PRKCA: variants seen among roughly 807,000 people sequenced by gnomAD.
The protein encoded by PRKCA is protein kinase C alpha.
In PRKCA, 27 loss-of-function variants were observed where a neutral mutation model predicts 87.0. The ratio of observed to expected loss-of-function variants is 0.31; its 90% CI spans 0.23 to 0.43. The LOEUF (loss-of-function observed/expected upper bound fraction) is 0.43, where lower values mean the gene tolerates loss of function less well. PRKCA is among the 20% of genes least tolerant of loss of function. PRKCA has a pLI of 1.00. For missense variants in PRKCA, 518 were observed against 852.3 expected (o/e 0.61, Z 4.88); for synonymous variants, 329 against 311.1 (o/e 1.06, Z -0.61).
At chr17:66,317,141 CAA>C (rs1203756925) in intron 2 of PRKCA, among the ~76,000 whole-genome samples, 16 of 82,136 alleles carry the variant, frequency 1.9e-4, no homozygotes, top group East Asian at 3.5e-4. Flanking sequence ...GACTCTGTCT[CAA>C]AAAAAAAAAA....
intron 14 of PRKCA, 128 bp downstream of exon 14, chr17:66,774,195 A>C (rs1974998683): frequency 6.5e-7 from 1 of 1,548,206 alleles, no homozygotes; most frequent in African/African-American, 1.4e-5. Context: ...TCCCTGACCC[A>C]GGCGAAAGAG....
chr17:66,454,949 T>C (rs1386381844), intron 2 of PRKCA, among the ~76,000 whole-genome samples: 2 of 152,124 alleles, frequency 1.3e-5, no homozygotes, highest in Non-Finnish European at 1.5e-5. Flanking sequence ...GGCAGGTGCC[T>C]GACCACAGGA....
intron 3 of PRKCA, among the ~76,000 whole-genome samples, chr17:66,632,846 A>T (rs1326156645): frequency 1.3e-5 from 2 of 152,178 alleles, no homozygotes; most frequent in Admixed American, 6.5e-5. Context: ...TAGAATTTTT[A>T]AAATAATTTA....
At chr17:66,757,037 A>G (rs1364549596) in intron 13 of PRKCA, among the ~76,000 whole-genome samples, 1 of 152,184 alleles carries the variant, frequency 6.6e-6, no homozygotes, top group African/African-American at 2.4e-5. Context: ...GCATGCAAGA[A>G]CAGATGGGCA....
At chr17:66,305,886 A>G (rs1438214289) in intron 1 of PRKCA, among the ~76,000 whole-genome samples, 1 of 152,222 alleles carries the variant, frequency 6.6e-6, no homozygotes, top group Non-Finnish European at 1.5e-5. Context: ...GAAATAGTTC[A>G]GTGATCCTTT....
intron 2 of PRKCA, among the ~76,000 whole-genome samples, chr17:66,484,553 A>C (rs150251343): frequency 6.6e-6 from 1 of 152,322 alleles, no homozygotes; most frequent in East Asian, 1.9e-4. Flanking sequence ...CTCTTTGTCC[A>C]TACTGATTCA....
Position 66,735,974 on chromosome 17 carries a change from G to A in PRKCA, c.1230+312G>A, listed in dbSNP as rs61761460. 1.6e-3 allele frequency among the ~76,000 whole-genome samples: 232 copies of A among 141,388 alleles called. 1 individual carries two copies. Among genetic ancestry groups the A allele is most frequent in the Admixed American group, 3.1e-3 (43 of 13,688 alleles). 92.8% of individuals were successfully genotyped at this position (141,388 alleles called of 152,430 possible). ...CTCACTCTCTCGCCCAGGCTAGAGTGCAGTGGCACAGTCACGGCCCACTGC... is the reference window on the plus strand; with the variant it reads ...CTCACTCTCTCGCCCAGGCTAGAGTACAGTGGCACAGTCACGGCCCACTGC... On this transcript the variant is annotated intron_variant, in intron 10 of 16. Coordinates refer to ENST00000413366, the MANE Select transcript of PRKCA (RefSeq NM_002737.3).
intron 13 of PRKCA, among the ~76,000 whole-genome samples, chr17:66,773,410 A>G (rs1974982769): frequency 6.6e-6 from 1 of 151,240 alleles, no homozygotes; most frequent in African/African-American, 2.4e-5. Flanking sequence ...CATCATCCTT[A>G]CTATTATACT....
intron 8 of PRKCA, among the ~76,000 whole-genome samples, chr17:66,731,358 A>T (rs1973885329): frequency 6.6e-6 from 1 of 151,648 alleles, no homozygotes. Flanking sequence ...TCAGAAAAAA[A>T]AAAAAAAAAA....
At chr17:66,498,587 A>G (rs1748315899) in intron 3 of PRKCA, among the ~76,000 whole-genome samples, 1 of 152,222 alleles carries the variant, frequency 6.6e-6, no homozygotes, top group Non-Finnish European at 1.5e-5. Flanking sequence ...GTACAGAGAT[A>G]TGCTCCTTGC....
chr17:66,810,463 C>T lies in PRKCA; in HGVS notation c.*6426C>T, dbSNP rs1976138558. 6.6e-6 allele frequency: 1 copy of T among 152,172 alleles called. No individual in the cohort carries two copies. The highest frequency in any genetic ancestry group is 2.1e-4 in the South Asian group (1 of 4,830). The allele number at this position is 152,172 out of a possible 1,614,324, so 9.4% of individuals were successfully genotyped here. A position where few individuals can be genotyped will look rare whatever the true frequency, so the allele number is the denominator to read the frequency against. The stretch of plus-strand genomic sequence containing the variant: ...TGTGAAGGACATACCACGTTTAAAT[C>T]ATTAATTGAAAAACATCATATAAGC... On this transcript the variant is annotated 3_prime_UTR_variant, in exon 17 of 17. Coordinates refer to ENST00000413366, the MANE Select transcript of PRKCA (RefSeq NM_002737.3).
chr17:66,320,383 T>C (rs1905585774), intron 2 of PRKCA, among the ~76,000 whole-genome samples: 1 of 152,066 alleles, frequency 6.6e-6, no homozygotes, highest in Non-Finnish European at 1.5e-5. Context: ...TCTATTTTTT[T>C]TTTTTAAAAA....
chr17:66,688,271 C>T lies in PRKCA; in HGVS notation c.687-31C>T, dbSNP rs1972684240. On this transcript the variant is annotated intron_variant, in intron 6 of 16. Transcript: ENST00000413366. ...TCCCAAGAAACCATGATCAAGATAA[C>T]CTAGTGTTTGCATGTGTGTGTGTCT... The T allele has an allele frequency of 3.1e-6, 5 of 1,611,322 alleles. No individual in the cohort carries two copies. The Middle Eastern group carries it at 5.0e-4, about 160-fold the overall frequency.
In PRKCA at chr17:66,478,798, C is replaced by T. The variant is rs539061017; in HGVS notation, c.206-17403C>T. Among the ~76,000 whole-genome samples, 8 of 152,270 alleles carry T rather than the reference C, an allele frequency of 5.3e-5. No individual in the cohort carries two copies. In the South Asian group the frequency reaches 1.7e-3, roughly 32 times the overall value. On this transcript the variant is annotated intron_variant, in intron 2 of 16. Transcript: ENST00000413366. The stretch of plus-strand genomic sequence containing the variant: ...GTGTCCTTATAGACTTTTTCTCTTG[C>T]AACAACTTACAGTATTTTTAAAACA...
intron 16 of PRKCA, among the ~76,000 whole-genome samples, chr17:66,801,848 A>G (rs1975907803): frequency 6.6e-6 from 1 of 152,150 alleles, no homozygotes; most frequent in Admixed American, 6.5e-5. Context: ...CCCACCACAC[A>G]CATCACCCAC....
At position 66,803,123 on chromosome 17, in the gene PRKCA, G is replaced by A. The variant is rs987047540; in HGVS notation, c.1855-750G>A. Among the ~76,000 whole-genome samples the A allele has an allele frequency of 1.2e-4, 18 of 152,170 alleles. No individual in the cohort carries two copies. The highest frequency in any genetic ancestry group is 2.4e-4 in the Non-Finnish European group (16 of 68,026). ...CCAGTGCAACAGTTCTGCCTGGAGT[G>A]GACCCTGGAGGAGAGGAACAGCCGA... On this transcript the variant is annotated intron_variant, in intron 16 of 16. Coordinates refer to ENST00000413366, the MANE Select transcript of PRKCA (RefSeq NM_002737.3). The surrounding 1 kb of genome is among the most constrained non-coding windows in gnomAD (Gnocchi z 4.4).
At chr17:66,389,076 T>C (rs1910219865) in intron 2 of PRKCA, among the ~76,000 whole-genome samples, 1 of 152,164 alleles carries the variant, frequency 6.6e-6, no homozygotes, top group African/African-American at 2.4e-5. Flanking sequence ...AACAGCATCA[T>C]GTATATGCCT....
At chr17:66,504,757 T>C (rs900578877) in intron 3 of PRKCA, among the ~76,000 whole-genome samples, 1 of 152,222 alleles carries the variant, frequency 6.6e-6, no homozygotes, top group African/African-American at 2.4e-5. Context: ...TCAATTCTTT[T>C]CATCATTTTC....
In PRKCA at chr17:66,408,944, T is replaced by C. The variant is rs530675412; in HGVS notation, c.206-87257T>C. Among the ~76,000 whole-genome samples the C allele has an allele frequency of 4.9e-5, 7 of 142,006 alleles. No individual in the cohort carries two copies. The East Asian group carries it at 1.4e-3, about 29-fold the overall frequency. 93.2% of individuals were successfully genotyped at this position (142,006 alleles called of 152,430 possible). ...GTGTGCGCCTGTAATCCCAGCTACT[T>C]AGGAGGCTGAGGCAGGAGAATCGCT... On this transcript the variant is annotated intron_variant, in intron 2 of 16. Coordinates refer to ENST00000413366, the MANE Select transcript of PRKCA (RefSeq NM_002737.3).
Sources: gnomAD v4.1 joint callset for allele counts (sites outside exome capture counted in the v4.1 genomes callset) on GRCh38, gnomAD v4.1.1 for gene constraint, Gnocchi (gnomAD v3.1) non-coding constraint, MANE v1.5 for transcripts, NCBI Gene and HGNC (gene_info 2026-07-23, HGNC 2026-07-21) for gene names.